ADAM7: variants seen among roughly 807,000 people sequenced by gnomAD.
The protein encoded by ADAM7 is disintegrin and metalloproteinase domain-containing protein 7.
In ADAM7, 97 loss-of-function variants were observed where a neutral mutation model predicts 102.9. The ratio of observed to expected loss-of-function variants is 0.94; its 90% CI spans 0.80 to 1.12. The LOEUF is 1.12. Ranked by LOEUF, ADAM7 falls within the 50% of genes most tolerant of loss-of-function variation. ADAM7 has a pLI of 0.00. For synonymous variants in ADAM7, 334 were observed against 304.4 expected (o/e 1.10, Z -1.01); for missense variants, 991 against 908.7 (o/e 1.09, Z -1.16).
chr8:24,506,415 G>A (rs1410829799), intron 20 of ADAM7, among the ~76,000 whole-genome samples: 2 of 151,882 alleles, frequency 1.3e-5, no homozygotes, highest in African/African-American at 4.8e-5. Flanking sequence ...TAAAATGTTG[G>A]CATTTTGTTC....
chr8:24,467,142 G>A (rs973716636), intron 6 of ADAM7, 154 bp downstream of exon 6: 8 of 704,572 alleles, frequency 1.1e-5, no homozygotes, highest in East Asian at 5.4e-5. Flanking sequence ...ATTTTTTCTT[G>A]TCTATGTAAA....
intron 17 of ADAM7, among the ~76,000 whole-genome samples, chr8:24,499,962 T>A (rs919337993): frequency 2.0e-5 from 3 of 152,184 alleles, no homozygotes; most frequent in Non-Finnish European, 4.4e-5. Context: ...CATTCTCTTA[T>A]TCACAGGCCG....
Position 24,490,781 on chromosome 8 carries a change from T to C in ADAM7, c.1267-18T>C. 3 of 1,609,588 alleles carry C rather than the reference T, an allele frequency of 1.9e-6. No homozygotes were observed. Among genetic ancestry groups the C allele is most frequent in the Non-Finnish European group, 2.5e-6 (3 of 1,178,290 alleles). Reference sequence around the variant, plus strand: ...AGTACATACCAATTTCTCATCTCTCTTTTGTGGTTATTGCCAGGAGTGTAC... The same window carrying C: ...AGTACATACCAATTTCTCATCTCTCCTTTGTGGTTATTGCCAGGAGTGTAC... On this transcript the variant is annotated intron_variant, in intron 12 of 21. Coordinates refer to ENST00000175238, the MANE Select transcript of ADAM7 (RefSeq NM_003817.4).
chr8:24,504,808 T>C (rs1365227970), intron 20 of ADAM7, among the ~76,000 whole-genome samples: 1 of 152,162 alleles, frequency 6.6e-6, no homozygotes, highest in Admixed American at 6.6e-5. Context: ...GAAATGCCTC[T>C]GATGAATTTC....
At chr8:24,454,097 A>T (rs902840901) in intron 3 of ADAM7, among the ~76,000 whole-genome samples, 1 of 152,186 alleles carries the variant, frequency 6.6e-6, no homozygotes, top group Non-Finnish European at 1.5e-5. Context: ...CTCAGGGGTC[A>T]GGGGTCAGGG....
rs141703577 is a variant in ADAM7 at position 24,463,518 on chromosome 8, A to G, written c.234-364A>G. 3.2e-3 allele frequency among the ~76,000 whole-genome samples: 486 copies of G among 152,228 alleles called. 2 individuals are homozygous for G. Among genetic ancestry groups the G allele is most frequent in the African/African-American group, 0.011 (463 of 41,534 alleles). ...CTATATATTAAGACGTACTCGCCACATATATCTTATGATGTGATGAATATA... is the reference window on the plus strand; with the variant it reads ...CTATATATTAAGACGTACTCGCCACGTATATCTTATGATGTGATGAATATA... On this transcript the variant is annotated intron_variant, in intron 3 of 21. Transcript: ENST00000175238.
At chr8:24,497,994 T>C (rs1312507320) in intron 16 of ADAM7, among the ~76,000 whole-genome samples, 1 of 151,990 alleles carries the variant, frequency 6.6e-6, no homozygotes, top group African/African-American at 2.4e-5. Flanking sequence ...AATGATACTC[T>C]CACACATATT....
chr8:24,485,216 A>G, intron 9 of ADAM7, 61 bp from the exon 10 acceptor site: 1 of 1,462,724 alleles, frequency 6.8e-7, no homozygotes, highest in East Asian at 2.3e-5. Context: ...CTGCAATTTG[A>G]TCTTTGTGTT....
At chr8:24,492,261 C>T (rs1194073422) in intron 14 of ADAM7, 163 bp downstream of exon 14, 2 of 748,578 alleles carry the variant, frequency 2.7e-6, no homozygotes, top group Non-Finnish European at 4.2e-6. Context: ...ATTAGTTGAT[C>T]TTACGTCTAA....
intron 7 of ADAM7, among the ~76,000 whole-genome samples, chr8:24,469,245 G>T (rs1585881861): frequency 1.3e-5 from 2 of 152,124 alleles, no homozygotes; most frequent in East Asian, 3.8e-4. Context: ...AAACCCCTGA[G>T]AAGCACAATA....
In ADAM7 at chr8:24,508,693, G is replaced by A. The variant is rs2129399875; in HGVS notation, c.*147G>A. The A allele has an allele frequency of 4.0e-6, 6 of 1,487,294 alleles. No homozygotes were observed. The highest frequency in any genetic ancestry group is 3.5e-4 in the Middle Eastern group (2 of 5,642). 92.1% of individuals were successfully genotyped at this position (1,487,294 alleles called of 1,614,324 possible). On this transcript the variant is annotated 3_prime_UTR_variant, in exon 22 of 22. Coordinates refer to ENST00000175238, the MANE Select transcript of ADAM7 (RefSeq NM_003817.4). ...TTATCCAGACAGACAATGTTTAAGA[G>A]AAACAACTTATTTCTGTTAATATTT...
chr8:24,485,612 T>C (rs1485872481), intron 10 of ADAM7, among the ~76,000 whole-genome samples: 2 of 152,152 alleles, frequency 1.3e-5, no homozygotes, highest in African/African-American at 4.8e-5. Flanking sequence ...CAGCATGCAA[T>C]GATTAGTAAA....
At chr8:24,491,715 G>T in intron 13 of ADAM7, 188 bp from the exon 14 acceptor site, 1 of 530,716 alleles carries the variant, frequency 1.9e-6, no homozygotes, top group South Asian at 3.3e-5. Context: ...ACATCATTTT[G>T]TCATTCTTAA....
chr8:24,448,828 G>T (rs1195381824), intron 3 of ADAM7, among the ~76,000 whole-genome samples: 1 of 151,998 alleles, frequency 6.6e-6, no homozygotes, highest in Non-Finnish European at 1.5e-5. Flanking sequence ...ACAGTCCCCA[G>T]TGTGTGATGT....
At chr8:24,462,432 C>A (rs761858686) in intron 3 of ADAM7, among the ~76,000 whole-genome samples, 1 of 152,160 alleles carries the variant, frequency 6.6e-6, no homozygotes, top group Non-Finnish European at 1.5e-5. Context: ...TTTATCCGTC[C>A]TCTATAAGGC....
Position 24,485,351 on chromosome 8 carries a change from G to C in ADAM7, c.950G>C (p.Ser317Thr). 1.2e-6 allele frequency: 2 copies of C among 1,612,982 alleles called. No individual in the cohort carries two copies. Among genetic ancestry groups the C allele is most frequent in the Non-Finnish European group, 1.7e-6 (2 of 1,179,242 alleles). The change falls in exon 10 of 22, where the codon AGT (serine) becomes ACT (threonine). Residue 317 changes from serine (S) to threonine (T), a missense_variant. Ser to Thr is a moderately conservative substitution (Grantham distance 58, BLOSUM62 1). Coordinates refer to ENST00000175238, the MANE Select transcript of ADAM7 (RefSeq NM_003817.4). ...ATGTGCCTGCCCTATTATTCCACCA[G>C]TATCATTAAGGTGGGCTGTGTTTTA... ...GGMCLPYYST[S>T]IIKDLLPDTN... is the part of the protein sequence containing the mutation.
chr8:24,488,114 C>G (rs540984755), intron 11 of ADAM7, among the ~76,000 whole-genome samples: 1 of 152,284 alleles, frequency 6.6e-6, no homozygotes, highest in African/African-American at 2.4e-5. Flanking sequence ...AGCATATTCT[C>G]TGTTTCATGC....
At chr8:24,480,863 G>C (rs1819925455) in intron 8 of ADAM7, among the ~76,000 whole-genome samples, 1 of 151,932 alleles carries the variant, frequency 6.6e-6, no homozygotes. Flanking sequence ...AACAAACTGA[G>C]ACATCGTCCC....
chr8:24,462,394 A>G (rs930518282), intron 3 of ADAM7, among the ~76,000 whole-genome samples: 2 of 152,186 alleles, frequency 1.3e-5, no homozygotes, highest in Admixed American at 1.3e-4. Flanking sequence ...CTTTTCAAAT[A>G]AGAACAACTG....
Sources: allele counts gnomAD v4.1 joint callset (sites outside exome capture counted in the v4.1 genomes callset), GRCh38; gene constraint gnomAD v4.1.1; transcripts MANE v1.5; gene names NCBI Gene and HGNC (gene_info 2026-07-23, HGNC 2026-07-21).